Variants in PTP4A1 observed in about 807,000 individuals in gnomAD.
PTP4A1 encodes the protein protein tyrosine phosphatase 4A1.
A neutral mutation model predicts 20.5 loss-of-function variants in PTP4A1; 9 were observed. The ratio of observed to expected loss-of-function variants is 0.44; its 90% confidence interval spans 0.26 to 0.77. The LOEUF (loss-of-function observed/expected upper bound fraction) is 0.77, where lower values mean the gene tolerates loss of function less well. PTP4A1 is among the 30% of genes least tolerant of loss of function. The probability of loss-of-function intolerance (pLI) is 0.19; values close to 1 mark genes in which losing one functional copy is unlikely to be tolerated. For synonymous variants in PTP4A1, 78 were observed against 67.4 expected, an observed-to-expected ratio of 1.16 and a Z score of -0.77; for missense variants, 137 against 218.8, an observed-to-expected ratio of 0.63 and a Z score of 2.36.
At chr6:63,542,271 G>A (rs959432511) in intron 2 of PTP4A1, among the ~76,000 whole-genome samples, 2 of 151,990 alleles carry the variant, frequency 1.3e-5, no homozygotes, top group African/African-American at 4.8e-5. Flanking sequence ...GGGGACTCAG[G>A]GGGAAAGGGT....
intron 2 of PTP4A1, among the ~76,000 whole-genome samples, chr6:63,547,387 A>G (rs1427622788): frequency 6.7e-6 from 1 of 149,780 alleles, no homozygotes; most frequent in Admixed American, 6.7e-5. Context: ...ATAGGATTTC[A>G]CCATGTTGGC....
In PTP4A1 at chr6:63,534,986, G is replaced by C. The variant is rs184554977; in HGVS notation, c.-640+6902G>C. On this transcript the variant is annotated intron_variant, in intron 2 of 3. Transcript: ENST00000639568. ...GAGGCAGGAGAATTGCTTAAACCCA[G>C]GAGGCAGAGGTTGCAGTGAGCCAAG... Among the ~76,000 whole-genome samples the C allele has an allele frequency of 2.0e-5, 3 of 152,122 alleles. No individual in the cohort carries two copies. In the South Asian group the frequency reaches 6.2e-4, roughly 32 times the overall value.
intron 2 of PTP4A1, chr6:63,549,508 GGAGGA>G (rs986512378): frequency 1.4e-5 from 10 of 719,282 alleles, no homozygotes; most frequent in Non-Finnish European, 2.2e-5. Context: ...CCTTTCGGCA[GGAGGA>G]GAGAGCCTGA....
At chr6:63,562,692 G>A (rs1286134764) in intron 3 of PTP4A1, among the ~76,000 whole-genome samples, 1 of 152,124 alleles carries the variant, frequency 6.6e-6, no homozygotes, top group African/African-American at 2.4e-5. Context: ...AGCTATTCTT[G>A]CTGTTATTGT....
At chr6:63,519,146 A>G (rs778588005), upstream of PTP4A1, among the ~76,000 whole-genome samples, 1 of 152,084 alleles carries the variant, frequency 6.6e-6, no homozygotes, top group Non-Finnish European at 1.5e-5. Context: ...CATCTCTACT[A>G]AAATACAAAA....
chr6:63,578,005 T>A (rs1217075671), intron 2 of PTP4A1, among the ~76,000 whole-genome samples: 2 of 151,912 alleles, frequency 1.3e-5, no homozygotes, highest in Non-Finnish European at 2.9e-5. Flanking sequence ...ATCAGTAAAG[T>A]TTAAGGAGTG....
chr6:63,535,454 C>T (rs530890497), intron 2 of PTP4A1, among the ~76,000 whole-genome samples: 2 of 151,934 alleles, frequency 1.3e-5, no homozygotes, highest in Non-Finnish European at 2.9e-5. Flanking sequence ...GGCAACAGAG[C>T]GAGACTCTGT....
chr6:63,574,233 G>A (rs1777699466), intron 1 of PTP4A1, among the ~76,000 whole-genome samples: 1 of 152,182 alleles, frequency 6.6e-6, no homozygotes, highest in African/African-American at 2.4e-5. Context: ...AATTGTTTGT[G>A]ACAAAGGAGT....
At position 63,540,914 on chromosome 6, in the gene PTP4A1, A is replaced by G. The variant is rs146727285; in HGVS notation, c.-639-9386A>G. Reference sequence around the variant, plus strand: ...ACTACTCGGGAGGCTGAGGTAGGAGAATCACTAGAACCCCGGGGGCGGAGG... The same window carrying G: ...ACTACTCGGGAGGCTGAGGTAGGAGGATCACTAGAACCCCGGGGGCGGAGG... On this transcript the variant is annotated intron_variant, in intron 2 of 3. Transcript: ENST00000639568. Among the ~76,000 whole-genome samples, 3 of 151,688 alleles carry G rather than the reference A, an allele frequency of 2.0e-5. No homozygotes were observed. In the East Asian group the frequency reaches 5.8e-4, roughly 30 times the overall value.
At chr6:63,541,265 T>G (rs552987085) in intron 2 of PTP4A1, among the ~76,000 whole-genome samples, 2 of 152,268 alleles carry the variant, frequency 1.3e-5, no homozygotes, top group South Asian at 4.1e-4. Flanking sequence ...GCCAGGTATC[T>G]TAGCTAGATT....
chr6:63,557,433 G>A (rs1175011665), intron 3 of PTP4A1, among the ~76,000 whole-genome samples: 1 of 151,962 alleles, frequency 6.6e-6, no homozygotes, highest in Non-Finnish European at 1.5e-5. Context: ...GGTGTAGTGT[G>A]CGTGCCTGTA....
rs1401696453 is a variant in PTP4A1, at chr6:63,581,990, A to G, written c.*1816A>G. 6.6e-6 allele frequency: 1 copy of G among 152,184 alleles called. No homozygotes were observed. Among genetic ancestry groups the G allele is most frequent in the African/African-American group, 2.4e-5 (1 of 41,460 alleles). 9.4% of individuals were successfully genotyped at this position (152,184 alleles called of 1,614,324 possible). On this transcript the variant is annotated 3_prime_UTR_variant, in exon 6 of 6. Transcript: ENST00000626021. ...TATAAATGTAAAGGACTCAAAGTTT[A>G]AGTAAAAAGTGATACTCCACCTTGT...
At chr6:63,546,433 C>G (rs970885615) in intron 2 of PTP4A1, among the ~76,000 whole-genome samples, 1 of 152,064 alleles carries the variant, frequency 6.6e-6, no homozygotes, top group African/African-American at 2.4e-5. Flanking sequence ...TGGCCGGGTG[C>G]GGTGGCTCAC....
At chr6:63,529,535 C>T (rs1408656578) in intron 2 of PTP4A1, among the ~76,000 whole-genome samples, 1 of 152,124 alleles carries the variant, frequency 6.6e-6, no homozygotes, top group Admixed American at 6.6e-5. Flanking sequence ...CCTTTTCTAC[C>T]TCTCTCGCTT....
upstream of PTP4A1, among the ~76,000 whole-genome samples, chr6:63,520,112 G>A (rs1774867946): frequency 6.6e-6 from 1 of 152,036 alleles, no homozygotes; most frequent in Non-Finnish European, 1.5e-5. Context: ...CTAACCACTG[G>A]ATCTCTTGCA....
chr6:63,520,421 G>A (rs1457373528), upstream of PTP4A1, among the ~76,000 whole-genome samples: 1 of 152,154 alleles, frequency 6.6e-6, no homozygotes, highest in Non-Finnish European at 1.5e-5. Context: ...GAGGCCAGGA[G>A]TTCAAGACCA....
intron 3 of PTP4A1, among the ~76,000 whole-genome samples, chr6:63,564,373 C>A (rs1056210249): frequency 1.3e-5 from 2 of 151,886 alleles, no homozygotes; most frequent in Admixed American, 6.6e-5. Context: ...TAGAAATACA[C>A]GAAGATAGCA....
At chr6:63,526,965 C>A (rs1775217725) in intron 1 of PTP4A1, among the ~76,000 whole-genome samples, 1 of 151,810 alleles carries the variant, frequency 6.6e-6, no homozygotes, top group African/African-American at 2.4e-5. Flanking sequence ...AAAATGATTT[C>A]AAGTTTATCT....
chr6:63,525,720 G>T (rs1185587864), intron 1 of PTP4A1, among the ~76,000 whole-genome samples: 1 of 152,088 alleles, frequency 6.6e-6, no homozygotes, highest in East Asian at 1.9e-4. Context: ...AGGCCTAGTG[G>T]TAGCAGCTGC....
Sources: gnomAD v4.1 joint callset for allele counts (sites outside exome capture counted in the v4.1 genomes callset) on GRCh38, gnomAD v4.1.1 for gene constraint, MANE v1.5 for transcripts, NCBI Gene and HGNC (gene_info 2026-07-23, HGNC 2026-07-21) for gene names.